The following TEKT3 variants were observed in gnomAD, a reference collection of about 807,000 sequenced individuals.
TEKT3 encodes tektin 3, also known as tektin-3.
Under a neutral mutation model 49.8 loss-of-function variants are expected in TEKT3, and 49 were observed. The observed-to-expected ratio is 0.98, with a 90% CI of 0.78 to 1.25. TEKT3 has a LOEUF of 1.25. Among genes scored for constraint, TEKT3 ranks in the 50% most tolerant of loss-of-function variants. TEKT3 has a pLI of 0.00. For missense variants in TEKT3, 595 were observed against 629.5 expected, an observed-to-expected ratio of 0.95 and a Z score of 0.59; for synonymous variants, 225 against 237.2, an observed-to-expected ratio of 0.95 and a Z score of 0.47.
At chr17:15,308,515 CTGCATTCAACATCTCCCCAT>C in intron 8 of TEKT3, 129 bp downstream of exon 8, 1 of 1,091,856 alleles carries the variant, frequency 9.2e-7, no homozygotes, top group East Asian at 2.4e-5. Context: ...TGAAACTCTT[CTGCATTCAACATCTCCCCAT>C]TACTACCATT....
At chr17:15,319,587 A>C (rs1043917761) in intron 4 of TEKT3, among the ~76,000 whole-genome samples, 2 of 152,218 alleles carry the variant, frequency 1.3e-5, no homozygotes, top group East Asian at 3.9e-4. Flanking sequence ...CTGGCAGTAC[A>C]TGTATCCTCC....
At chr17:15,319,474 T>C (rs1291265667) in intron 4 of TEKT3, among the ~76,000 whole-genome samples, 1 of 152,118 alleles carries the variant, frequency 6.6e-6, no homozygotes, top group African/African-American at 2.4e-5. Context: ...ATTCTGGTAA[T>C]ATACAAGGTC....
At chr17:15,336,795 T>C (rs1052319841) in intron 2 of TEKT3, among the ~76,000 whole-genome samples, 1 of 152,172 alleles carries the variant, frequency 6.6e-6, no homozygotes. Context: ...AACTTTAGAA[T>C]AGCCAGTTCT....
intron 7 of TEKT3, chr17:15,311,397 G>A (rs1298048165): frequency 6.6e-6 from 1 of 152,200 alleles, no homozygotes; most frequent in Non-Finnish European, 1.5e-5. Flanking sequence ...AGAGAAGGTT[G>A]GCATGGCCCC....
chr17:15,329,282 G>A (rs1466753081), intron 3 of TEKT3, among the ~76,000 whole-genome samples: 1 of 152,126 alleles, frequency 6.6e-6, no homozygotes, highest in Non-Finnish European at 1.5e-5. Flanking sequence ...ATCTGTTCAT[G>A]TGACTCAATT....
At chr17:15,326,299 C>T (rs796228822) in intron 4 of TEKT3, among the ~76,000 whole-genome samples, 9 of 152,246 alleles carry the variant, frequency 5.9e-5, no homozygotes, top group African/African-American at 2.2e-4. Flanking sequence ...AAAGCTTGTG[C>T]AGGGACAGAG....
chr17:15,342,538 G>A (rs983411307), upstream of TEKT3, among the ~76,000 whole-genome samples: 1 of 152,208 alleles, frequency 6.6e-6, no homozygotes, highest in African/African-American at 2.4e-5. Flanking sequence ...CAGCCCCTAG[G>A]AGACCTCAAT....
chr17:15,338,709 G>GC (rs1443894611), intron 2 of TEKT3, among the ~76,000 whole-genome samples: 2 of 143,982 alleles, frequency 1.4e-5, no homozygotes, highest in African/African-American at 5.1e-5. Context: ...AGTAGAGACG[G>GC]GTTTCACCGT....
intron 5 of TEKT3, among the ~76,000 whole-genome samples, chr17:15,315,784 G>T (rs1197917246): frequency 1.3e-5 from 2 of 152,190 alleles, no homozygotes; most frequent in East Asian, 3.9e-4. Context: ...ATCTAGGCTA[G>T]AGATAAAAAG....
intron 2 of TEKT3, among the ~76,000 whole-genome samples, chr17:15,338,803 A>G (rs1445357415): frequency 6.7e-6 from 1 of 150,178 alleles, no homozygotes; most frequent in African/African-American, 2.5e-5. Context: ...GGCGTGAGCC[A>G]CCGCGCCCAG....
At chr17:15,319,040 A>AT in intron 5 of TEKT3, 37 bp downstream of exon 5, 1 of 1,519,770 alleles carries the variant, frequency 6.6e-7, no homozygotes, top group Non-Finnish European at 9.0e-7. Flanking sequence ...TAGTTCAATG[A>AT]TAGATTTTGA....
At chr17:15,309,520 C>T (rs1406721912) in intron 7 of TEKT3, among the ~76,000 whole-genome samples, 3 of 152,166 alleles carry the variant, frequency 2.0e-5, no homozygotes, top group African/African-American at 4.8e-5. Context: ...GAAAAGCCTC[C>T]CTTCTCCACG....
rs1029135598 is a variant in TEKT3 at position 15,332,508 on chromosome 17, A to C, written c.-29-894T>G. Reference sequence around the variant, plus strand: ...TGGTAGCAGCAGGGAATTGCTTGGCAACTCCCCGCCCCTGCCCCCACAAGT... The same window carrying C: ...TGGTAGCAGCAGGGAATTGCTTGGCCACTCCCCGCCCCTGCCCCCACAAGT... On this transcript the variant is annotated intron_variant, in intron 2 of 8. Transcript: ENST00000395930. Among the ~76,000 whole-genome samples the C allele has an allele frequency of 2.0e-5, 3 of 152,182 alleles. 1 individual carries two copies. In the South Asian group the frequency reaches 6.2e-4, roughly 32 times the overall value.
At chr17:15,331,768 T>C (rs1911763842) in intron 2 of TEKT3, 154 bp from the exon 3 acceptor site, 1 of 605,410 alleles carries the variant, frequency 1.7e-6, no homozygotes, top group Non-Finnish European at 2.8e-6. Context: ...TCACCATTGA[T>C]AATATATTCC....
rs139678306 is a variant in TEKT3, at chr17:15,329,982, G to A, written c.579+1025C>T. Reference sequence around the variant, plus strand: ...GTGGAATGGGGTTGGAGGGCCCATCGCATAGCCTGAGGGTTAGAGGTGACC... The same window carrying A: ...GTGGAATGGGGTTGGAGGGCCCATCACATAGCCTGAGGGTTAGAGGTGACC... On this transcript the variant is annotated intron_variant, in intron 3 of 8. Coordinates refer to ENST00000395930, the MANE Select transcript of TEKT3 (RefSeq NM_031898.3). Among the ~76,000 whole-genome samples the A allele has an allele frequency of 6.8e-4, 104 of 152,270 alleles. No homozygotes were observed. The East Asian group carries it at 9.5e-3, about 14-fold the overall frequency.
intron 7 of TEKT3, 158 bp from the exon 8 acceptor site, chr17:15,308,976 C>T (rs901553101): frequency 2.4e-6 from 2 of 847,652 alleles, no homozygotes; most frequent in Non-Finnish European, 1.8e-6. Flanking sequence ...CAGCCCTGCC[C>T]CAGGGAACCC....
At chr17:15,317,121 C>T (rs138459469) in intron 5 of TEKT3, among the ~76,000 whole-genome samples, 5 of 152,236 alleles carry the variant, frequency 3.3e-5, no homozygotes, top group African/African-American at 1.2e-4. Flanking sequence ...GAAGCCATCC[C>T]GGGAAGTGAG....
intron 4 of TEKT3, among the ~76,000 whole-genome samples, chr17:15,319,621 C>T (rs992372701): frequency 6.6e-6 from 1 of 152,212 alleles, no homozygotes; most frequent in Admixed American, 6.5e-5. Flanking sequence ...TGGGTCCAAA[C>T]ATGGAGGCTG....
rs1910707695 is a variant in TEKT3, at chr17:15,310,070, C to T, written c.1102-1252G>A. On this transcript the variant is annotated intron_variant, in intron 7 of 8. Coordinates refer to ENST00000395930, the MANE Select transcript of TEKT3 (RefSeq NM_031898.3). ...TCGACCTCTCTCCCAAGCTAAAAATCATTTCACTGTTTCTATCACTAAGGC... is the reference window on the plus strand; with the variant it reads ...TCGACCTCTCTCCCAAGCTAAAAATTATTTCACTGTTTCTATCACTAAGGC... Among the ~76,000 whole-genome samples the T allele has an allele frequency of 2.0e-5, 3 of 152,172 alleles. No individual in the cohort carries two copies. The South Asian group carries it at 6.2e-4, about 32-fold the overall frequency.
Sources: allele counts gnomAD v4.1 joint callset (sites outside exome capture counted in the v4.1 genomes callset), GRCh38; gene constraint gnomAD v4.1.1; transcripts MANE v1.5; gene names NCBI Gene and HGNC (gene_info 2026-07-23, HGNC 2026-07-21).